Variants in NEIL2 observed in about 807,000 individuals in gnomAD.
NEIL2 encodes endonuclease 8-like 2.
A neutral mutation model predicts 22.2 loss-of-function variants in NEIL2; 23 were observed. The observed-to-expected ratio is 1.04, with a 90% CI of 0.75 to 1.47. The LOEUF is 1.47. NEIL2 is among the 40% of genes most tolerant of loss of function. NEIL2 has a pLI of 0.00. For synonymous variants in NEIL2, 229 were observed against 164.8 expected, an observed-to-expected ratio of 1.39 and a Z score of -2.99; for missense variants, 583 against 404.7, an observed-to-expected ratio of 1.44 and a Z score of -3.78.
At chr8:11,780,206 AG>A (rs1358515621) in intron 3 of NEIL2, among the ~76,000 whole-genome samples, 1 of 152,132 alleles carries the variant, frequency 6.6e-6, no homozygotes, top group South Asian at 2.1e-4. Context: ...GTGGCACTTG[AG>A]GGGGGACTGT....
At chr8:11,779,416 A>G (rs565176208) in intron 2 of NEIL2, among the ~76,000 whole-genome samples, 182 bp from the exon 3 acceptor site, 28 of 152,258 alleles carry the variant, frequency 1.8e-4, no homozygotes, top group African/African-American at 5.5e-4. Flanking sequence ...CACTTTGAAA[A>G]CCACATGCGA....
At chr8:11,772,991 C>T (rs1167590732) in intron 2 of NEIL2, among the ~76,000 whole-genome samples, 1 of 152,146 alleles carries the variant, frequency 6.6e-6, no homozygotes. Context: ...TCCTGTAGCC[C>T]TGTACCCATA....
At chr8:11,780,875 G>A (rs1054686868) in intron 3 of NEIL2, among the ~76,000 whole-genome samples, 5 of 152,286 alleles carry the variant, frequency 3.3e-5, no homozygotes, top group Middle Eastern at 3.4e-3. Flanking sequence ...ATGTTAGGTC[G>A]TTTGTGTACT....
Position 11,779,896 on chromosome 8 carries a change from T to C in NEIL2, c.437T>C (p.Phe146Ser). 6.2e-7 allele frequency: 1 copy of C among 1,614,068 alleles called. No individual in the cohort carries two copies. Among genetic ancestry groups the C allele is most frequent in the Non-Finnish European group, 8.5e-7 (1 of 1,180,032 alleles). ...GLFGSVWVND[F>S]SRAKKANKRG... ...TTTGGCAGCGTTTGGGTGAACGATT[T>C]CTCCAGAGCCAAGAAAGCCAACAAG... Residue 146 changes from phenylalanine (F) to serine (S), a missense_variant, in exon 3 of 5, where the codon TTC becomes TCC. By Grantham distance (155) the Phe-to-Ser change is radical. Transcript: ENST00000284503.
At position 11,776,525 on chromosome 8, in the gene NEIL2, T is replaced by C. The variant is rs1020657617; in HGVS notation, c.139-3073T>C. Among the ~76,000 whole-genome samples, 5 of 152,274 alleles carry C rather than the reference T, an allele frequency of 3.3e-5. No individual in the cohort carries two copies. In the South Asian group the frequency reaches 8.3e-4, roughly 25 times the overall value. Reference sequence around the variant, plus strand: ...GGGCATTCATATGCAAGTATTGGTGTAGACGTATGTTTCCATTTCTCTTGA... The same window carrying C: ...GGGCATTCATATGCAAGTATTGGTGCAGACGTATGTTTCCATTTCTCTTGA... On this transcript the variant is annotated intron_variant, in intron 2 of 4. Transcript: ENST00000284503.
rs111977484 is a variant in NEIL2 at position 11,771,763 on chromosome 8, A to C, written c.138+178A>C. 3.6e-3 allele frequency among the ~76,000 whole-genome samples: 542 copies of C among 152,238 alleles called. 4 individuals carry two copies. The highest frequency in any genetic ancestry group is 0.012 in the African/African-American group (508 of 41,524). On this transcript the variant is annotated intron_variant, in intron 2 of 4. Coordinates refer to ENST00000284503, the MANE Select transcript of NEIL2 (RefSeq NM_145043.4). Reference sequence around the variant, plus strand: ...CAGCCAGAAGTAGATATCGCTGTGGACTGTAGAACTGTAAAGAACACGTGT... The same window carrying C: ...CAGCCAGAAGTAGATATCGCTGTGGCCTGTAGAACTGTAAAGAACACGTGT...
At chr8:11,775,368 G>T (rs756920469) in intron 2 of NEIL2, among the ~76,000 whole-genome samples, 1 of 152,238 alleles carries the variant, frequency 6.6e-6, no homozygotes, top group African/African-American at 2.4e-5. Flanking sequence ...GGCTGGAGGG[G>T]CTAGGACACA....
At chr8:11,773,209 C>G (rs988782822) in intron 2 of NEIL2, among the ~76,000 whole-genome samples, 1 of 152,302 alleles carries the variant, frequency 6.6e-6, no homozygotes, top group African/African-American at 2.4e-5. Flanking sequence ...ACAGAGCTGG[C>G]TGTAAGAGAA....
chr8:11,771,013 G>A (rs1026205496), intron 1 of NEIL2, among the ~76,000 whole-genome samples: 4 of 152,160 alleles, frequency 2.6e-5, no homozygotes, highest in East Asian at 3.8e-4. Flanking sequence ...GAAATAAGTC[G>A]GCAGCAGTGG....
At chr8:11,781,295 G>C (rs1167343902) in intron 3 of NEIL2, among the ~76,000 whole-genome samples, 1 of 152,116 alleles carries the variant, frequency 6.6e-6, no homozygotes, top group African/African-American at 2.4e-5. Context: ...GTGGGCTTTG[G>C]GGCTGCCGTT....
intron 2 of NEIL2, among the ~76,000 whole-genome samples, chr8:11,774,119 T>C (rs1803706790): frequency 6.6e-6 from 1 of 152,126 alleles, no homozygotes; most frequent in Non-Finnish European, 1.5e-5. Flanking sequence ...CTCATGCCTG[T>C]AATCCCAGCA....
At chr8:11,773,637 G>A (rs1364200154) in intron 2 of NEIL2, among the ~76,000 whole-genome samples, 1 of 152,158 alleles carries the variant, frequency 6.6e-6, no homozygotes, top group Non-Finnish European at 1.5e-5. Flanking sequence ...GGGAGGAAAG[G>A]GCATTTCAGG....
chr8:11,772,096 G>A (rs139144799), intron 2 of NEIL2, among the ~76,000 whole-genome samples: 19 of 152,222 alleles, frequency 1.2e-4, no homozygotes, highest in Middle Eastern at 3.4e-3. Flanking sequence ...CCAGCTGCTC[G>A]GGAAGCTGAG....
At chr8:11,784,443 A>G (rs998397227) in intron 4 of NEIL2, among the ~76,000 whole-genome samples, 1 of 152,250 alleles carries the variant, frequency 6.6e-6, no homozygotes, top group Non-Finnish European at 1.5e-5. Flanking sequence ...AGCAGAGAAC[A>G]CATCGCTAGT....
rs71539743 is a variant in NEIL2, at chr8:11,786,628, GTT to G, written c.*370_*371del. The G allele has an allele frequency of 1.1e-3, 239 of 214,050 alleles. No individual in the cohort carries two copies. The highest frequency in any genetic ancestry group is 3.4e-3 in the South Asian group (63 of 18,684). The allele number at this position is 214,050 out of a possible 1,614,324, so 13.3% of individuals were successfully genotyped here. On this transcript the variant is annotated 3_prime_UTR_variant, in exon 5 of 5. Coordinates refer to ENST00000284503, the MANE Select transcript of NEIL2 (RefSeq NM_145043.4). ...CAACATAGCTTTGCAGATGATGTGG[GTT>G]TTTTTTTTTTTTTTGGTTGTTTGTT...
chr8:11,780,540 G>C (rs570080829), intron 3 of NEIL2, among the ~76,000 whole-genome samples: 1 of 152,150 alleles, frequency 6.6e-6, no homozygotes, highest in South Asian at 2.1e-4. Context: ...CCACCACACC[G>C]GCTAACTTTT....
At chr8:11,780,246 C>T (rs1276936041) in intron 3 of NEIL2, among the ~76,000 whole-genome samples, 1 of 152,178 alleles carries the variant, frequency 6.6e-6, no homozygotes, top group African/African-American at 2.4e-5. Flanking sequence ...TGCCTGACTC[C>T]TGACTAGTGT....
intron 3 of NEIL2, among the ~76,000 whole-genome samples, chr8:11,782,294 A>G (rs1459474817): frequency 6.6e-6 from 1 of 151,848 alleles, no homozygotes; most frequent in Non-Finnish European, 1.5e-5. Context: ...GTGTGGTGGT[A>G]TGCACCTGTA....
chr8:11,783,775 G>T (rs767216942), intron 4 of NEIL2, among the ~76,000 whole-genome samples: 7 of 152,206 alleles, frequency 4.6e-5, no homozygotes, highest in African/African-American at 1.2e-4. Context: ...AACTGAAGTC[G>T]TGCAGGCTGC....
Sources: gnomAD v4.1 joint callset for allele counts (sites outside exome capture counted in the v4.1 genomes callset) on GRCh38, gnomAD v4.1.1 for gene constraint, MANE v1.5 for transcripts, NCBI Gene and HGNC (gene_info 2026-07-23, HGNC 2026-07-21) for gene names.